The following SCN7A variants were observed in gnomAD, a reference collection of about 807,000 sequenced individuals.
SCN7A encodes sodium voltage-gated channel alpha subunit 7.
A neutral mutation model predicts 155.2 loss-of-function variants in SCN7A; 138 were observed. That is an observed-to-expected ratio of 0.89 (90% confidence interval 0.77 to 1.02). The LOEUF (loss-of-function observed/expected upper bound fraction) is 1.02. SCN7A is among the 50% of genes least tolerant of loss of function. The probability of loss-of-function intolerance (pLI) is 0.00; values close to 1 mark genes in which losing one functional copy is unlikely to be tolerated. For missense variants in SCN7A, 2,058 were observed against 1,986.6 expected, an observed-to-expected ratio of 1.04 and a Z score of -0.68; for synonymous variants, 693 against 649.0, an observed-to-expected ratio of 1.07 and a Z score of -1.03.
At chr2:166,465,755 G>T (rs1029989122) in intron 8 of SCN7A, 26 bp downstream of exon 8, 11 of 1,605,750 alleles carry the variant, frequency 6.9e-6, no homozygotes, top group East Asian at 2.2e-5. Context: ...TTCAATTTTT[G>T]ATATACATGG....
chr2:166,423,534 GTGAGCA>G, intron 18 of SCN7A, 102 bp from the exon 19 acceptor site: 1 of 1,272,750 alleles, frequency 7.9e-7, no homozygotes, highest in South Asian at 1.8e-5. Context: ...TAGGCATATG[GTGAGCA>G]CTGTCAGAGA....
At chr2:166,476,394 A>T (rs547592999) in intron 3 of SCN7A, among the ~76,000 whole-genome samples, 3 of 152,050 alleles carry the variant, frequency 2.0e-5, no homozygotes. Context: ...CTATGAAGCT[A>T]ATCATCACCT....
At position 166,421,297 on chromosome 2, in the gene SCN7A, C is replaced by G; in HGVS notation, c.3028G>C (p.Val1010Leu). ...WYRLDFVVVI[V>L]FCLSLIGKTR... ...TTGCCTATTAAGCTAAGACAAAACACCTATATATTTTTTTTAAAAAAAGAG... is the reference window on the plus strand; with the variant it reads ...TTGCCTATTAAGCTAAGACAAAACAGCTATATATTTTTTTTAAAAAAAGAG... The change falls in exon 20 of 26, where the codon GTG becomes CTG. Residue 1010 changes from valine to leucine, a missense_variant and splice_region_variant. Val to Leu is a conservative substitution (Grantham distance 32, BLOSUM62 1). Coordinates refer to ENST00000643258, the MANE Select transcript of SCN7A (RefSeq NM_002976.4). 1.4e-6 allele frequency: 2 copies of G among 1,465,470 alleles called. No individual in the cohort carries two copies. Among genetic ancestry groups the G allele is most frequent in the Admixed American group, 2.7e-5 (1 of 37,278 alleles). The allele number at this position is 1,465,470 out of a possible 1,614,324, so 90.8% of individuals were successfully genotyped here. A position where few individuals can be genotyped will look rare whatever the true frequency, so the allele number is the denominator to read the frequency against.
At chr2:166,469,063 AT>A (rs897789537) in intron 7 of SCN7A, among the ~76,000 whole-genome samples, 2 of 150,224 alleles carry the variant, frequency 1.3e-5, no homozygotes, top group Non-Finnish European at 3.0e-5. Context: ...TCCAGTTAAA[AT>A]TTTTTTTAAG....
At chr2:166,414,841 A>T (rs1005780238) in intron 21 of SCN7A, 7 of 132,200 alleles carry the variant, frequency 5.3e-5, no homozygotes, top group African/African-American at 1.4e-4. Context: ...GATATATATA[A>T]TATATAGGAT....
chr2:166,482,815 T>C (rs1348275244), intron 2 of SCN7A, among the ~76,000 whole-genome samples: 1 of 151,868 alleles, frequency 6.6e-6, no homozygotes, highest in Non-Finnish European at 1.5e-5. Context: ...TGCATCTGAC[T>C]TCTAGATGGT....
intron 20 of SCN7A, among the ~76,000 whole-genome samples, chr2:166,420,765 A>G (rs1009915840): frequency 1.4e-4 from 22 of 152,042 alleles, no homozygotes; most frequent in Admixed American, 2.0e-4. Flanking sequence ...AATTTATCTT[A>G]AAATTCAAAC....
intron 25 of SCN7A, among the ~76,000 whole-genome samples, chr2:166,406,965 A>T (rs1352874793): frequency 6.6e-6 from 1 of 152,010 alleles, no homozygotes; most frequent in African/African-American, 2.4e-5. Flanking sequence ...AATAGTCATA[A>T]TTTTTTATTG....
intron 15 of SCN7A, among the ~76,000 whole-genome samples, chr2:166,435,069 CTATATA>C (rs143266788): frequency 1.3e-5 from 2 of 151,338 alleles, no homozygotes; most frequent in Non-Finnish European, 3.0e-5. Flanking sequence ...ATTCATATAT[CTATATA>C]TATATAGTGA....
chr2:166,486,768 C>A lies in SCN7A; in HGVS notation c.-15+88G>T, dbSNP rs575005516. ...ACCAACTTTATAAAGCAAGCAGACA[C>A]ATCATTACATTTTCTTGTTTGTTTT... On this transcript the variant is annotated intron_variant, in intron 2 of 25. Transcript: ENST00000643258. 7.9e-5 allele frequency: 12 copies of A among 152,360 alleles called. No homozygotes were observed. In the South Asian group the frequency reaches 2.5e-3, roughly 32 times the overall value. The allele number at this position is 152,360 out of a possible 1,614,324, so 9.4% of individuals were successfully genotyped here.
At chr2:166,466,027 C>A in intron 7 of SCN7A, 40 bp from the exon 8 acceptor site, 1 of 1,468,830 alleles carries the variant, frequency 6.8e-7, no homozygotes, top group South Asian at 1.2e-5. Context: ...AATGTAATAT[C>A]TTAGAAAAGC....
intron 11 of SCN7A, among the ~76,000 whole-genome samples, chr2:166,455,517 G>A (rs1459996783): frequency 2.6e-5 from 4 of 152,038 alleles, no homozygotes; most frequent in Non-Finnish European, 5.9e-5. Flanking sequence ...ACCTAATAAT[G>A]GGAACAACAG....
intron 15 of SCN7A, chr2:166,441,055 A>G (rs2105432543): frequency 2.7e-6 from 1 of 373,266 alleles, no homozygotes; most frequent in Non-Finnish European, 4.8e-6. Context: ...TTTTCAGACC[A>G]TGGCTGACCA....
At chr2:166,419,077 T>C (rs1701452480) in intron 20 of SCN7A, among the ~76,000 whole-genome samples, 1 of 152,190 alleles carries the variant, frequency 6.6e-6, no homozygotes. Context: ...TCAGTTTCCC[T>C]GGCAAATCTC....
intron 7 of SCN7A, among the ~76,000 whole-genome samples, chr2:166,467,516 CAG>C (rs748413376): frequency 0.013 from 1,876 of 149,992 alleles, 43 homozygotes; most frequent in African/African-American, 0.043. Context: ...CACACACACA[CAG>C]ATAGATAGAT....
At chr2:166,472,927 CTAAA>C (rs1189214397) in intron 5 of SCN7A, among the ~76,000 whole-genome samples, 3 of 151,704 alleles carry the variant, frequency 2.0e-5, no homozygotes, top group Middle Eastern at 3.4e-3. Context: ...AAATGGAAAA[CTAAA>C]TACTGCATGT....
chr2:166,409,965 C>A (rs1298028449), intron 24 of SCN7A, 30 bp from the exon 25 acceptor site: 2 of 1,506,108 alleles, frequency 1.3e-6, no homozygotes, highest in Non-Finnish European at 1.8e-6. Flanking sequence ...GTGTAATAGT[C>A]TTATTAATAG....
Position 166,406,118 on chromosome 2 carries a change from T to C in SCN7A, c.4511A>G (p.Lys1504Arg), listed in dbSNP as rs1233282706. The change falls in exon 26 of 26, where the codon AAG becomes AGG. Residue 1504 changes from lysine to arginine, a missense_variant. Transcript: ENST00000643258. Reference protein sequence around the residue: ...VVMEFLNIASKKKNKTLSEDD... With the variant: ...VVMEFLNIASRKKNKTLSEDD... ...TTCACTCAAGGTCTTGTTTTTCTTC[T>C]TAGAAGCAATATTTAAAAACTCCAT... 1 of 1,611,662 alleles carries C rather than the reference T, an allele frequency of 6.2e-7. No homozygotes were observed. Among genetic ancestry groups the C allele is most frequent in the East Asian group, 2.2e-5 (1 of 44,788 alleles).
intron 23 of SCN7A, among the ~76,000 whole-genome samples, chr2:166,410,633 T>C (rs1701182184): frequency 6.6e-6 from 1 of 151,970 alleles, no homozygotes. Flanking sequence ...AGGGGATATC[T>C]GGAAATATTT....
Sources: gnomAD v4.1 joint callset for allele counts (sites outside exome capture counted in the v4.1 genomes callset) on GRCh38, gnomAD v4.1.1 for gene constraint, MANE v1.5 for transcripts, NCBI Gene and HGNC (gene_info 2026-07-23, HGNC 2026-07-21) for gene names.